Variants in GLI3 observed in about 807,000 individuals in gnomAD.
The protein encoded by GLI3 is transcription activator GLI3.
In GLI3, 20 loss-of-function variants were observed where a neutral mutation model predicts 100.8. That is an observed-to-expected ratio of 0.20 (90% CI 0.14 to 0.29). The LOEUF (loss-of-function observed/expected upper bound fraction) is 0.29. Ranked by LOEUF, GLI3 falls within the 10% of genes least tolerant of loss-of-function variation. GLI3 has a pLI of 1.00. For missense variants in GLI3, 2,040 were observed against 2,128.5 expected (o/e 0.96, Z 0.82); for synonymous variants, 938 against 860.5 (o/e 1.09, Z -1.58).
At chr7:42,261,225 C>CA (rs1221182506) in intron 1 of GLI3, among the ~76,000 whole-genome samples, 3 of 149,054 alleles carry the variant, frequency 2.0e-5, no homozygotes, top group Non-Finnish European at 4.5e-5. Context: ...ACACACACAA[C>CA]ACACACACAG....
chr7:42,010,282 T>C (rs866703421), intron 10 of GLI3, among the ~76,000 whole-genome samples: 5 of 152,306 alleles, frequency 3.3e-5, no homozygotes, highest in Middle Eastern at 3.4e-3. Context: ...CCTCTCTCCA[T>C]GTGAGGCTGC....
chr7:42,049,805 A>G (rs1228113615), intron 4 of GLI3, among the ~76,000 whole-genome samples: 1 of 152,194 alleles, frequency 6.6e-6, no homozygotes, highest in Non-Finnish European at 1.5e-5. Flanking sequence ...CAGGTTAAAC[A>G]GTTGTGCTCC....
intron 3 of GLI3, among the ~76,000 whole-genome samples, chr7:42,128,451 T>C (rs1363060085): frequency 6.6e-6 from 1 of 152,258 alleles, no homozygotes; most frequent in Non-Finnish European, 1.5e-5. Flanking sequence ...TTTTTGGCTT[T>C]TGGATCACTG....
chr7:42,066,526 C>T (rs918535578), intron 4 of GLI3, among the ~76,000 whole-genome samples: 1 of 152,130 alleles, frequency 6.6e-6, no homozygotes, highest in African/African-American at 2.4e-5. Flanking sequence ...CTTCAGATCA[C>T]GAAAAGGCCT....
At chr7:42,231,966 C>T (rs541166953) in intron 1 of GLI3, among the ~76,000 whole-genome samples, 1 of 151,772 alleles carries the variant, frequency 6.6e-6, no homozygotes, top group Non-Finnish European at 1.5e-5. Context: ...TATAATGTCA[C>T]ACTACCTTCT....
intron 1 of GLI3, among the ~76,000 whole-genome samples, chr7:42,261,608 T>C (rs1207446147): frequency 1.3e-5 from 2 of 152,180 alleles, no homozygotes; most frequent in Non-Finnish European, 2.9e-5. Flanking sequence ...ACTATATATT[T>C]TATATGAATG....
At chr7:42,014,892 C>T (rs1466818770) in intron 10 of GLI3, among the ~76,000 whole-genome samples, 1 of 152,178 alleles carries the variant, frequency 6.6e-6, no homozygotes, top group Non-Finnish European at 1.5e-5. Flanking sequence ...CATAGGCGAG[C>T]CTGTGCAACT....
chr7:42,128,379 A>AT (rs1287518535), intron 3 of GLI3, among the ~76,000 whole-genome samples: 2 of 152,142 alleles, frequency 1.3e-5, no homozygotes, highest in Non-Finnish European at 2.9e-5. Context: ...AAAAAGTGAC[A>AT]TTTTTCTCAG....
chr7:42,026,220 G>A lies in GLI3; in HGVS notation c.1221C>T (p.Ser407=), dbSNP rs369180011. ...TCACCTGTGAGGACTCAGAAGGGCCGGAGCTGACCTGGACGGGGTTCAGAA... is the reference window on the plus strand; with the variant it reads ...TCACCTGTGAGGACTCAGAAGGGCCAGAGCTGACCTGGACGGGGTTCAGAA... ...PTVLNPVQVS[S]GPSESSQNKP... is the part of the protein sequence containing the mutation. The change falls in exon 8 of 15, where the codon TCC becomes TCT. Residue 407 remains serine, a synonymous_variant. Transcript: ENST00000395925. 4.4e-5 allele frequency: 71 copies of A among 1,613,102 alleles called. No individual in the cohort carries two copies. The highest frequency in any genetic ancestry group is 5.0e-5 in the Admixed American group (3 of 59,900).
At chr7:42,148,561 C>G in intron 2 of GLI3, 93 bp from the exon 3 acceptor site, 1 of 1,201,142 alleles carries the variant, frequency 8.3e-7, no homozygotes, top group Non-Finnish European at 1.2e-6. Context: ...CGATATCCCT[C>G]TCCCGGAAAA....
chr7:42,098,649 C>A (rs1395518938), intron 3 of GLI3, among the ~76,000 whole-genome samples: 1 of 152,152 alleles, frequency 6.6e-6, no homozygotes, highest in Non-Finnish European at 1.5e-5. Flanking sequence ...CTGGAAAGTG[C>A]TGTGTCAATT....
chr7:42,146,145 T>C (rs557049893), intron 3 of GLI3, among the ~76,000 whole-genome samples: 2 of 152,340 alleles, frequency 1.3e-5, no homozygotes, highest in Non-Finnish European at 2.9e-5. Context: ...AGAGAACTTA[T>C]ACAGTTTATA....
intron 10 of GLI3, among the ~76,000 whole-genome samples, chr7:41,991,028 C>G (rs1787973482): frequency 6.6e-6 from 1 of 152,144 alleles, no homozygotes; most frequent in African/African-American, 2.4e-5. Flanking sequence ...CCCTGCTGAG[C>G]TGACGCATTC....
chr7:42,258,677 T>C (rs1327239188), intron 1 of GLI3, among the ~76,000 whole-genome samples: 1 of 152,214 alleles, frequency 6.6e-6, no homozygotes, highest in Non-Finnish European at 1.5e-5. Context: ...GACTTCTTGA[T>C]TGATGAATGG....
At chr7:42,177,865 A>G (rs1787511765) in intron 2 of GLI3, among the ~76,000 whole-genome samples, 1 of 152,220 alleles carries the variant, frequency 6.6e-6, no homozygotes, top group Non-Finnish European at 1.5e-5. Context: ...GATGTCTAAC[A>G]TATGATGTCT....
At chr7:42,230,097 G>GT (rs1255586484) in intron 1 of GLI3, among the ~76,000 whole-genome samples, 1 of 96,478 alleles carries the variant, frequency 1.0e-5, no homozygotes, top group African/African-American at 3.9e-5. Flanking sequence ...CAAGGGTTGG[G>GT]CGGGGGGGGG....
upstream of GLI3, among the ~76,000 whole-genome samples, chr7:42,242,582 C>G (rs959285085): frequency 6.6e-6 from 1 of 152,148 alleles, no homozygotes; most frequent in Non-Finnish European, 1.5e-5. Flanking sequence ...GTGCCCAACC[C>G]CACTGACTTC....
At chr7:42,149,208 G>C (rs770119565) in intron 2 of GLI3, among the ~76,000 whole-genome samples, 1 of 152,236 alleles carries the variant, frequency 6.6e-6, no homozygotes, top group Non-Finnish European at 1.5e-5. Context: ...GTCCAGGTGT[G>C]AGATGGCTCT....
rs145577564 is a variant in GLI3, at chr7:42,235,445, T to C, written c.-43+1526A>G. ...CAGGGTGCAGGCCCCCCACCCGCCA[T>C]GCCCAATGCGCTCAAGCTGAAACTC... On this transcript the variant is annotated intron_variant, in intron 1 of 14. Coordinates refer to ENST00000395925, the MANE Select transcript of GLI3 (RefSeq NM_000168.6). 5.1e-3 allele frequency among the ~76,000 whole-genome samples: 782 copies of C among 152,322 alleles called. 4 individuals carry two copies. Among genetic ancestry groups the C allele is most frequent in the African/African-American group, 0.017 (708 of 41,562 alleles).
Sources: gnomAD v4.1 joint callset for allele counts (sites outside exome capture counted in the v4.1 genomes callset) on GRCh38, gnomAD v4.1.1 for gene constraint, MANE v1.5 for transcripts, NCBI Gene and HGNC (gene_info 2026-07-23, HGNC 2026-07-21) for gene names.